Variants in DSCAM observed in about 807,000 individuals in gnomAD.
The protein encoded by DSCAM is DS cell adhesion molecule.
A neutral mutation model predicts 217.7 loss-of-function variants in DSCAM; 47 were observed. The observed-to-expected ratio is 0.22, with a 90% CI of 0.17 to 0.28. The LOEUF (loss-of-function observed/expected upper bound fraction) is 0.28, where lower values mean the gene tolerates loss of function less well. Among genes scored for constraint, DSCAM ranks in the 10% least tolerant of loss-of-function variants. The pLI is 1.00. For synonymous variants in DSCAM, 1,056 were observed against 1,015.3 expected (o/e 1.04, Z -0.76); for missense variants, 2,080 against 2,618.3 (o/e 0.79, Z 4.49).
chr21:40,708,806 T>A, intron 1 of DSCAM, 35 bp from the exon 2 acceptor site: 1 of 1,395,764 alleles, frequency 7.2e-7, no homozygotes, highest in South Asian at 1.8e-5. Context: ...CATAGGTGAG[T>A]AAAACATGCC....
At chr21:40,709,100 T>C (rs1445707295) in intron 1 of DSCAM, among the ~76,000 whole-genome samples, 4 of 152,182 alleles carry the variant, frequency 2.6e-5, no homozygotes, top group Non-Finnish European at 5.9e-5. Flanking sequence ...TTATATTCAC[T>C]TATTGTCTAT....
intron 3 of DSCAM, among the ~76,000 whole-genome samples, chr21:40,567,945 G>GT (rs373343612): frequency 0.011 from 1,603 of 148,500 alleles, 26 homozygotes; most frequent in African/African-American, 0.036. Flanking sequence ...TTTTTGTTTG[G>GT]TTTTTTTTTT....
intron 11 of DSCAM, among the ~76,000 whole-genome samples, chr21:40,265,046 A>C (rs1455179796): frequency 6.6e-6 from 1 of 150,862 alleles, no homozygotes; most frequent in Non-Finnish European, 1.5e-5. Context: ...TATAAAAATT[A>C]GCCAGGTGTA....
intron 3 of DSCAM, among the ~76,000 whole-genome samples, chr21:40,477,573 G>A (rs1338847601): frequency 1.3e-5 from 2 of 152,042 alleles, no homozygotes; most frequent in Non-Finnish European, 2.9e-5. Context: ...AACAGCATAT[G>A]AAACTTAGTA....
At chr21:40,465,324 A>G (rs1458283417) in intron 3 of DSCAM, among the ~76,000 whole-genome samples, 4 of 152,158 alleles carry the variant, frequency 2.6e-5, no homozygotes, top group Non-Finnish European at 5.9e-5. Flanking sequence ...TATTCCAGTT[A>G]TCATGAGCGG....
chr21:40,655,787 G>T (rs1367964431), intron 3 of DSCAM, among the ~76,000 whole-genome samples: 1 of 152,028 alleles, frequency 6.6e-6, no homozygotes, highest in African/African-American at 2.4e-5. Flanking sequence ...GGCATGGTAG[G>T]TCATGCCTAT....
At chr21:40,381,441 C>T (rs1157902604) in intron 3 of DSCAM, among the ~76,000 whole-genome samples, 1 of 152,192 alleles carries the variant, frequency 6.6e-6, no homozygotes, top group Non-Finnish European at 1.5e-5. Context: ...TTCAGGTTGA[C>T]TGTCTGTTCC....
chr21:40,344,046 A>G (rs1453171213), intron 6 of DSCAM, among the ~76,000 whole-genome samples: 3 of 151,874 alleles, frequency 2.0e-5, no homozygotes, highest in Non-Finnish European at 4.4e-5. Context: ...TTACAGGCAC[A>G]TGCCACCACA....
intron 1 of DSCAM, among the ~76,000 whole-genome samples, chr21:40,741,132 A>T (rs2091119437): frequency 6.6e-6 from 1 of 152,156 alleles, no homozygotes; most frequent in Non-Finnish European, 1.5e-5. Context: ...ATGAACACAA[A>T]ATAGTGAGAG....
At chr21:40,723,568 A>C (rs1314244448) in intron 1 of DSCAM, among the ~76,000 whole-genome samples, 1 of 152,200 alleles carries the variant, frequency 6.6e-6, no homozygotes, top group Non-Finnish European at 1.5e-5. Flanking sequence ...TTATTCTTAG[A>C]GGCAGCTGGT....
intron 20 of DSCAM, among the ~76,000 whole-genome samples, chr21:40,112,136 C>G (rs1046705420): frequency 6.8e-6 from 1 of 148,036 alleles, no homozygotes; most frequent in East Asian, 2.0e-4. Flanking sequence ...CCACACCACA[C>G]GTATTCCAAA....
At position 40,022,925 on chromosome 21, in the gene DSCAM, GGTTA is replaced by G. The variant is rs1016028486; in HGVS notation, c.5687-9543_5687-9540del. ...TTAGGGTACATGTGCATATTGTGCA[GGTTA>G]GTTACATATGTATACATGTGCCATG... On this transcript the variant is annotated intron_variant, in intron 32 of 32. Transcript: ENST00000400454. Among the ~76,000 whole-genome samples the G allele has an allele frequency of 1.5e-3, 232 of 151,906 alleles. 3 individuals carry two copies. Among genetic ancestry groups the G allele is most frequent in the African/African-American group, 5.4e-3 (223 of 41,374 alleles).
chr21:40,388,014 T>C (rs1163923186), intron 3 of DSCAM, among the ~76,000 whole-genome samples: 4 of 152,020 alleles, frequency 2.6e-5, no homozygotes, highest in South Asian at 2.1e-4. Flanking sequence ...AAGATACATA[T>C]GAAAGAAAGG....
chr21:40,398,639 T>TTC (rs2075204175), intron 3 of DSCAM, among the ~76,000 whole-genome samples: 1 of 141,184 alleles, frequency 7.1e-6, no homozygotes, highest in Non-Finnish European at 1.5e-5. Context: ...TTTTCTTTCT[T>TTC]TTTTTTTTTT....
chr21:40,111,585 T>C (rs1038595770), intron 20 of DSCAM, among the ~76,000 whole-genome samples: 2 of 152,096 alleles, frequency 1.3e-5, no homozygotes, highest in Admixed American at 6.5e-5. Flanking sequence ...TACATGTAAA[T>C]GGACTAAATG....
At chr21:40,490,399 T>C (rs1239053927) in intron 3 of DSCAM, among the ~76,000 whole-genome samples, 1 of 152,220 alleles carries the variant, frequency 6.6e-6, no homozygotes, top group Non-Finnish European at 1.5e-5. Flanking sequence ...TTTCTTTTAC[T>C]TACTATGTAG....
At chr21:40,242,647 G>A (rs116499794) in intron 11 of DSCAM, among the ~76,000 whole-genome samples, 398 of 152,306 alleles carry the variant, frequency 2.6e-3, no homozygotes, top group African/African-American at 8.8e-3. Flanking sequence ...TGGAAGCCTT[G>A]TTATGATGGC....
intron 11 of DSCAM, among the ~76,000 whole-genome samples, chr21:40,244,693 T>G (rs147735640): frequency 3.3e-5 from 5 of 152,186 alleles, no homozygotes; most frequent in East Asian, 3.9e-4. Context: ...AGGTAGGTAG[T>G]TAGGAGCTCT....
chr21:40,725,262 A>T (rs1336596509), intron 1 of DSCAM, among the ~76,000 whole-genome samples: 1 of 152,168 alleles, frequency 6.6e-6, no homozygotes. Context: ...ATGTTAATGA[A>T]GCTTCTGTGG....
Sources: gnomAD v4.1 joint callset for allele counts (sites outside exome capture counted in the v4.1 genomes callset) on GRCh38, gnomAD v4.1.1 for gene constraint, MANE v1.5 for transcripts, NCBI Gene and HGNC (gene_info 2026-07-23, HGNC 2026-07-21) for gene names.